TMEM71: variants seen among roughly 807,000 people sequenced by gnomAD.
The protein encoded by TMEM71 is transmembrane protein 71.
Under a neutral mutation model 38.0 loss-of-function variants are expected in TMEM71, and 44 were observed. The observed-to-expected ratio is 1.16, with a 90% CI of 0.91 to 1.49. TMEM71 has a LOEUF of 1.49. TMEM71 is among the 40% of genes most tolerant of loss of function. The pLI is 0.00. For synonymous variants in TMEM71, 133 were observed against 122.5 expected (o/e 1.09, Z -0.56); for missense variants, 367 against 348.6 (o/e 1.05, Z -0.42).
chr8:132,750,831 C>G (rs1828667878), intron 4 of TMEM71, among the ~76,000 whole-genome samples: 1 of 152,184 alleles, frequency 6.6e-6, no homozygotes, highest in Non-Finnish European at 1.5e-5. Flanking sequence ...GTTGACAGAA[C>G]CCGAGTCCTA....
chr8:132,755,731 T>G (rs1320602591), intron 3 of TMEM71, among the ~76,000 whole-genome samples: 1 of 152,238 alleles, frequency 6.6e-6, no homozygotes, highest in Admixed American at 6.5e-5. Flanking sequence ...AATGAATATA[T>G]GCACTCAGCC....
intron 7 of TMEM71, among the ~76,000 whole-genome samples, chr8:132,718,291 T>C (rs74553787): frequency 0.013 from 1,877 of 150,064 alleles, 43 homozygotes; most frequent in African/African-American, 0.045. Context: ...ATTTTACATA[T>C]GTCATTTCAC....
upstream of TMEM71, among the ~76,000 whole-genome samples, chr8:132,763,120 C>T (rs1829323588): frequency 6.6e-6 from 1 of 152,170 alleles, no homozygotes; most frequent in African/African-American, 2.4e-5. Context: ...TTCCTCCCCT[C>T]CCTCAGCTCT....
intron 7 of TMEM71, among the ~76,000 whole-genome samples, chr8:132,717,242 G>T (rs1826582654): frequency 6.6e-6 from 1 of 152,124 alleles, no homozygotes; most frequent in African/African-American, 2.4e-5. Flanking sequence ...GAGAAGTTGG[G>T]CTACATCAAA....
intron 4 of TMEM71, among the ~76,000 whole-genome samples, chr8:132,750,782 T>C (rs1304807310): frequency 6.6e-6 from 1 of 152,186 alleles, no homozygotes; most frequent in Non-Finnish European, 1.5e-5. Flanking sequence ...TGCCCGTCCT[T>C]TCTTTCTGAT....
chr8:132,762,722 T>C (rs1224812896), upstream of TMEM71, among the ~76,000 whole-genome samples: 2 of 152,182 alleles, frequency 1.3e-5, no homozygotes, highest in Non-Finnish European at 1.5e-5. Flanking sequence ...GATGAGTAAG[T>C]AGAGCTAGGA....
At position 132,727,797 on chromosome 8, in the gene TMEM71, C is replaced by G; in HGVS notation, c.676+1G>C. 1 of 1,602,898 alleles carries G rather than the reference C, an allele frequency of 6.2e-7. No homozygotes were observed. Among genetic ancestry groups the G allele is most frequent in the Non-Finnish European group, 8.5e-7 (1 of 1,174,904 alleles). On this transcript the variant is annotated splice_donor_variant, in intron 6 of 9. Transcript: ENST00000677595. LOFTEE classifies it high-confidence loss of function. ...CAAATATTTAAAACACCTGAACTCA[C>G]CTGAATGATCCGAACTATTCTCTTG... is the stretch of plus-strand genomic sequence containing the variant.
At chr8:132,757,053 ATTTT>A (rs11345876) in intron 3 of TMEM71, among the ~76,000 whole-genome samples, 177 bp downstream of exon 3, 1 of 143,378 alleles carries the variant, frequency 7.0e-6, no homozygotes, top group Non-Finnish European at 1.5e-5. Context: ...CGCAGCGCTG[ATTTT>A]TTTTTTTTTT....
chr8:132,751,006 TTGTACTCACTCTCTACTCACA>T (rs1828678689), intron 4 of TMEM71, among the ~76,000 whole-genome samples: 1 of 152,172 alleles, frequency 6.6e-6, no homozygotes, highest in Non-Finnish European at 1.5e-5. Context: ...ATTTTTCCCA[TTGTACTCACTCTCTACTCACA>T]TATTCACACA....
chr8:132,712,608 T>C (rs1826292422), intron 9 of TMEM71, among the ~76,000 whole-genome samples: 1 of 152,130 alleles, frequency 6.6e-6, no homozygotes. Flanking sequence ...TCTAATGAGA[T>C]GATAAAATCT....
chr8:132,750,022 A>AAAAAAAG (rs770926014), intron 4 of TMEM71, among the ~76,000 whole-genome samples: 9 of 151,080 alleles, frequency 6.0e-5, no homozygotes, highest in Admixed American at 1.3e-4. Context: ...CAAAAAAAAA[A>AAAAAAAG]AAAGAAAGAA....
intron 4 of TMEM71, 49 bp downstream of exon 4, chr8:132,751,736 A>AATGGATGG (rs764232364): frequency 1.3e-6 from 2 of 1,514,308 alleles, no homozygotes. Flanking sequence ...ATAAACAATT[A>AATGGATGG]ATGGATGGAT....
chr8:132,731,686 T>C (rs16904730), intron 5 of TMEM71, among the ~76,000 whole-genome samples: 4,602 of 152,176 alleles, frequency 0.03, 238 homozygotes, highest in African/African-American at 0.1. Flanking sequence ...ATAGCCACAG[T>C]TCCTGAGAAG....
intron 5 of TMEM71, among the ~76,000 whole-genome samples, chr8:132,736,492 T>C (rs2131103090): frequency 6.6e-6 from 1 of 152,190 alleles, no homozygotes; most frequent in African/African-American, 2.4e-5. Context: ...CTATCCTATA[T>C]CATGGTGACT....
At chr8:132,759,320 A>G (rs1342003069) in intron 1 of TMEM71, 1 of 156,258 alleles carries the variant, frequency 6.4e-6, no homozygotes, top group Non-Finnish European at 1.4e-5. Flanking sequence ...CATCTGACAC[A>G]AGTCAACTTC....
chr8:132,756,411 TTATATATATATATA>T (rs55767264), intron 3 of TMEM71, among the ~76,000 whole-genome samples: 5 of 115,836 alleles, frequency 4.3e-5, no homozygotes, highest in African/African-American at 1.2e-4. Flanking sequence ...AACATATATA[TTATATATATATATA>T]TATATATATA....
intron 5 of TMEM71, among the ~76,000 whole-genome samples, chr8:132,739,702 T>C (rs77884915): frequency 0.066 from 9,998 of 152,284 alleles, 431 homozygotes; most frequent in Non-Finnish European, 0.098. Context: ...TATGATAATA[T>C]GACCTACTTC....
At chr8:132,751,224 C>T (rs770958903) in intron 4 of TMEM71, among the ~76,000 whole-genome samples, 1 of 152,194 alleles carries the variant, frequency 6.6e-6, no homozygotes, top group Admixed American at 6.5e-5. Flanking sequence ...ACACCCCTTC[C>T]CACCCTAAGT....
intron 5 of TMEM71, among the ~76,000 whole-genome samples, chr8:132,744,126 G>A (rs927939426): frequency 1.4e-4 from 21 of 152,108 alleles, no homozygotes; most frequent in African/African-American, 5.1e-4. Flanking sequence ...TAAGGCCCAA[G>A]AAGACAGGGG....
Sources: allele counts gnomAD v4.1 joint callset (sites outside exome capture counted in the v4.1 genomes callset), GRCh38; gene constraint gnomAD v4.1.1; transcripts MANE v1.5; gene names NCBI Gene and HGNC (gene_info 2026-07-23, HGNC 2026-07-21).